Variants in CADPS2 observed in about 807,000 individuals in gnomAD.
The protein encoded by CADPS2 is calcium dependent secretion activator 2, also known as calcium-dependent secretion activator 2.
CADPS2 carries 93 observed loss-of-function variants against 172.5 expected under a neutral mutation model. That is an observed-to-expected ratio of 0.54 (90% confidence interval 0.46 to 0.64). The LOEUF is 0.64. Ranked by LOEUF, CADPS2 falls within the 30% of genes least tolerant of loss-of-function variation. The pLI, the probability that CADPS2 is intolerant of heterozygous loss-of-function variation, is 0.00. For synonymous variants in CADPS2, 546 were observed against 555.2 expected (o/e 0.98, Z 0.23); for missense variants, 1,420 against 1,565.9 (o/e 0.91, Z 1.57).
At chr7:122,619,146 T>C (rs2075293060) in intron 5 of CADPS2, among the ~76,000 whole-genome samples, 1 of 152,200 alleles carries the variant, frequency 6.6e-6, no homozygotes, top group Non-Finnish European at 1.5e-5. Flanking sequence ...CAGCCTAATT[T>C]TGTTTTCAAC....
At chr7:122,462,612 T>C (rs1204070925) in intron 14 of CADPS2, among the ~76,000 whole-genome samples, 1 of 152,204 alleles carries the variant, frequency 6.6e-6, no homozygotes, top group Non-Finnish European at 1.5e-5. Context: ...AATCAAAATC[T>C]AGTTTGCTAT....
At chr7:122,436,752 C>T (rs2151934890) in intron 17 of CADPS2, among the ~76,000 whole-genome samples, 1 of 152,120 alleles carries the variant, frequency 6.6e-6, no homozygotes, top group African/African-American at 2.4e-5. Flanking sequence ...GCTCACTGTC[C>T]ATTGGGTACT....
chr7:122,831,454 T>C (rs575916230), intron 1 of CADPS2, among the ~76,000 whole-genome samples: 1 of 152,368 alleles, frequency 6.6e-6, no homozygotes, highest in Admixed American at 6.5e-5. Context: ...ATCACACTTG[T>C]ATTTCAATTG....
chr7:122,637,049 T>C (rs1198442905), intron 3 of CADPS2, among the ~76,000 whole-genome samples: 1 of 88,456 alleles, frequency 1.1e-5, no homozygotes, highest in African/African-American at 3.8e-5. Context: ...TTAAATTGTT[T>C]ATTTATTTTT....
At chr7:122,464,488 T>C (rs1023396490) in intron 14 of CADPS2, among the ~76,000 whole-genome samples, 5 of 152,320 alleles carry the variant, frequency 3.3e-5, no homozygotes, top group Admixed American at 1.3e-4. Flanking sequence ...CTTCAGTGTG[T>C]TTTATTGGAC....
intron 3 of CADPS2, among the ~76,000 whole-genome samples, chr7:122,659,351 C>T (rs1382661004): frequency 7.1e-6 from 1 of 141,296 alleles, no homozygotes; most frequent in Non-Finnish European, 1.5e-5. Context: ...ATGAAGAATG[C>T]CTTTGATAGG....
At chr7:122,520,343 GTTTT>G (rs143024731) in intron 8 of CADPS2, among the ~76,000 whole-genome samples, 1 of 147,124 alleles carries the variant, frequency 6.8e-6, no homozygotes, top group African/African-American at 2.5e-5. Flanking sequence ...GAATGTGTGT[GTTTT>G]TTTTTTAAGT....
chr7:122,395,341 G>A (rs565226500), intron 20 of CADPS2: 6 of 152,004 alleles, frequency 3.9e-5, no homozygotes, highest in Admixed American at 3.9e-4. Flanking sequence ...TATTTTTTGT[G>A]GTTAAATACT....
chr7:122,624,527 C>G (rs2075895186), intron 4 of CADPS2, among the ~76,000 whole-genome samples: 1 of 152,212 alleles, frequency 6.6e-6, no homozygotes, highest in Non-Finnish European at 1.5e-5. Context: ...CTAATCTCAG[C>G]ATCATGGCAT....
intron 3 of CADPS2, among the ~76,000 whole-genome samples, chr7:122,658,600 C>G (rs1213062873): frequency 6.6e-6 from 1 of 152,126 alleles, no homozygotes; most frequent in Non-Finnish European, 1.5e-5. Flanking sequence ...ATGGATGAAG[C>G]TGGAAACCAT....
chr7:122,445,038 T>C (rs1299342332), intron 15 of CADPS2, among the ~76,000 whole-genome samples: 1 of 152,204 alleles, frequency 6.6e-6, no homozygotes, highest in Non-Finnish European at 1.5e-5. Flanking sequence ...CCCTTGAACA[T>C]TCACTGAAAA....
intron 7 of CADPS2, 43 bp downstream of exon 7, chr7:122,581,136 T>A: frequency 6.9e-7 from 1 of 1,445,210 alleles, no homozygotes; most frequent in Non-Finnish European, 9.7e-7. Context: ...CCAAAGAAGT[T>A]AAAACTGTTC....
At chr7:122,385,678 G>A (rs377226252) in intron 24 of CADPS2, among the ~76,000 whole-genome samples, 3 of 151,992 alleles carry the variant, frequency 2.0e-5, no homozygotes, top group Non-Finnish European at 4.4e-5. Flanking sequence ...TGTGGAGGAG[G>A]GCAGAAGTCT....
chr7:122,601,396 A>G (rs2072754297), intron 6 of CADPS2, among the ~76,000 whole-genome samples: 1 of 152,068 alleles, frequency 6.6e-6, no homozygotes, highest in Admixed American at 6.6e-5. Context: ...ATCTTCGCCA[A>G]CCAGATCCAT....
intron 2 of CADPS2, among the ~76,000 whole-genome samples, chr7:122,667,470 C>T (rs777270286): frequency 6.6e-6 from 1 of 152,114 alleles, no homozygotes; most frequent in South Asian, 2.1e-4. Context: ...TGAAGCCATA[C>T]TCAATCCAAT....
chr7:122,457,420 G>T (rs1339054963), intron 14 of CADPS2, among the ~76,000 whole-genome samples: 1 of 152,120 alleles, frequency 6.6e-6, no homozygotes, highest in Non-Finnish European at 1.5e-5. Flanking sequence ...CATTCCTTTG[G>T]AGTACATTTG....
intron 6 of CADPS2, among the ~76,000 whole-genome samples, chr7:122,588,298 C>T (rs1489660495): frequency 3.3e-5 from 5 of 152,030 alleles, no homozygotes; most frequent in East Asian, 1.9e-4. Context: ...AATGGTATTG[C>T]CTACATTTTC....
chr7:122,825,219 G>T lies in CADPS2; in HGVS notation c.339+60780C>A, dbSNP rs566913208. On this transcript the variant is annotated intron_variant, in intron 1 of 29. Transcript: ENST00000449022. ...CAAAGTTACAAATATGTTTACTGTT[G>T]ATTCAGAAATCCCATCTGTAGTATT... 3.3e-5 allele frequency among the ~76,000 whole-genome samples: 5 copies of T among 152,234 alleles called. No homozygotes were observed. In the South Asian group the frequency reaches 1.0e-3, roughly 32 times the overall value.
chr7:122,736,925 A>G (rs2137803585), intron 2 of CADPS2, 30 bp downstream of exon 2: 1 of 1,156,028 alleles, frequency 8.7e-7, no homozygotes, highest in Non-Finnish European at 1.3e-6. Context: ...AATGCATCGG[A>G]AAGCCAAAAA....
Sources: gnomAD v4.1 joint callset for allele counts (sites outside exome capture counted in the v4.1 genomes callset) on GRCh38, gnomAD v4.1.1 for gene constraint, MANE v1.5 for transcripts, NCBI Gene and HGNC (gene_info 2026-07-23, HGNC 2026-07-21) for gene names.